TSHZ3: variants seen among roughly 807,000 people sequenced by gnomAD.
TSHZ3 encodes teashirt homolog 3.
A neutral mutation model predicts 64.5 loss-of-function variants in TSHZ3; 10 were observed. The observed-to-expected ratio is 0.16, with a 90% CI of 0.10 to 0.26. TSHZ3 has a LOEUF of 0.26. Among genes scored for constraint, TSHZ3 ranks in the 10% least tolerant of loss-of-function variants. TSHZ3 has a pLI of 1.00. For synonymous variants in TSHZ3, 608 were observed against 593.1 expected (o/e 1.03, Z -0.36); for missense variants, 1,242 against 1,421.7 (o/e 0.87, Z 2.03).
intron 4 of TSHZ3, among the ~76,000 whole-genome samples, chr19:31,226,973 C>CTTTTTTTTTTTTTTTTT (rs1255178594): frequency 2.9e-5 from 2 of 68,152 alleles, no homozygotes; most frequent in African/African-American, 1.8e-4. Context: ...TTCTTTCTTT[C>CTTTTTTTTTTTTTTTTT]TTTCTTTTTT....
intron 1 of TSHZ3, among the ~76,000 whole-genome samples, chr19:31,345,336 C>T (rs1032464097): frequency 2.0e-5 from 3 of 152,162 alleles, no homozygotes; most frequent in African/African-American, 7.2e-5. Flanking sequence ...CTTCTGAATG[C>T]TCCATGTGCT....
chr19:31,309,699 C>T (rs1274895167), intron 1 of TSHZ3, among the ~76,000 whole-genome samples: 5 of 152,172 alleles, frequency 3.3e-5, no homozygotes, highest in African/African-American at 1.2e-4. Context: ...TAATGTGGCG[C>T]AAAGAGGAAT....
intron 1 of TSHZ3, among the ~76,000 whole-genome samples, chr19:31,297,668 A>C (rs933497797): frequency 6.6e-6 from 1 of 151,958 alleles, no homozygotes; most frequent in Admixed American, 6.6e-5. Flanking sequence ...GGGTCTAGCT[A>C]TGTTGCCCAG....
At position 31,277,445 on chromosome 19, in the gene TSHZ3, T is replaced by C; in HGVS notation, c.2348A>G (p.His783Arg). The C allele has an allele frequency of 6.2e-7, 1 of 1,613,866 alleles. No individual in the cohort carries two copies. The stretch of plus-strand genomic sequence containing the variant: ...GTCTATGGGCTGGTCGTTGTTGACG[T>C]GGTAGAAATAGCGGTCGAGGTGGTC... ...KADHLDRYFY[H>R]VNNDQPIDLT... The change falls in exon 2 of 2, where the codon CAC (histidine) becomes CGC (arginine). Residue 783 changes from histidine (H) to arginine (R), a missense_variant. By Grantham distance (29) the His-to-Arg change is conservative (BLOSUM62 0). Around this residue, in one of 4 missense-constraint regions of TSHZ3, gnomAD observed 550 missense variants for 545.1 expected, o/e 1.01. Transcript: ENST00000240587. The surrounding 1 kb of genome is among the most constrained non-coding windows in gnomAD (Gnocchi z 4.5).
chr19:31,298,260 CCA>C (rs762421641), intron 1 of TSHZ3, among the ~76,000 whole-genome samples: 8 of 152,144 alleles, frequency 5.3e-5, no homozygotes, highest in Non-Finnish European at 8.8e-5. Context: ...CTCTGCATCC[CCA>C]TAGCCCTGCA....
chr19:31,183,368 C>T (rs1974754113), intron 5 of TSHZ3, among the ~76,000 whole-genome samples: 1 of 152,150 alleles, frequency 6.6e-6, no homozygotes, highest in Non-Finnish European at 1.5e-5. Flanking sequence ...CGGCTTAGGT[C>T]TTCTCATTTT....
In TSHZ3 at chr19:31,183,436, A is replaced by G. The variant is rs539661140; in HGVS notation, n.809+21520T>C. ...CTGAGGCTCGTCTTGCTCTGAGTGA[A>G]GACTACTCTGAGAATCAGAAAACGA... On this transcript the variant is annotated intron_variant and non_coding_transcript_variant, in intron 5 of 6. Transcript: ENST00000651361. Among the ~76,000 whole-genome samples the G allele has an allele frequency of 1.4e-4, 21 of 152,276 alleles. No homozygotes were observed. In the South Asian group the frequency reaches 4.4e-3, roughly 32 times the overall value.
At chr19:31,297,521 C>T (rs534867313) in intron 1 of TSHZ3, among the ~76,000 whole-genome samples, 15 of 152,266 alleles carry the variant, frequency 9.9e-5, no homozygotes, top group African/African-American at 3.1e-4. Flanking sequence ...CCATTGCCCA[C>T]GCAGGAGTAC....
chr19:31,178,582 G>C (rs1293932287), intron 5 of TSHZ3, among the ~76,000 whole-genome samples: 1 of 152,210 alleles, frequency 6.6e-6, no homozygotes, highest in African/African-American at 2.4e-5. Context: ...AGGAGGCTGA[G>C]GCAGGAGAAT....
In TSHZ3 at chr19:31,279,485, G is replaced by T; in HGVS notation, c.308C>A (p.Thr103Lys). ...CACAGTCGTGTCTTCCAGTGGGACC[G>T]TGACCTCCTTGGTCTCCTCTTCGTT... ...IKNEEETKEV[T>K]VPLEDTTVSD... The change falls in exon 2 of 2, where the codon ACG becomes AAG. Residue 103 changes from threonine (T) to lysine (K), a missense_variant. Physicochemically the swap from Thr to Lys is moderately conservative, Grantham distance 78 (BLOSUM62 -1). Transcript: ENST00000240587. The surrounding 1 kb of genome is among the most constrained non-coding windows in gnomAD (Gnocchi z 6.4). 2.5e-6 allele frequency: 4 copies of T among 1,614,008 alleles called. No homozygotes were observed. The highest frequency in any genetic ancestry group is 3.4e-6 in the Non-Finnish European group (4 of 1,180,030).
chr19:31,335,252 G>C (rs1293016934), intron 1 of TSHZ3, among the ~76,000 whole-genome samples: 1 of 152,154 alleles, frequency 6.6e-6, no homozygotes, highest in Non-Finnish European at 1.5e-5. Context: ...GAACTGCGTT[G>C]GCTGACATTA....
At chr19:31,225,836 C>T (rs931900137) in intron 4 of TSHZ3, among the ~76,000 whole-genome samples, 39 of 152,126 alleles carry the variant, frequency 2.6e-4, no homozygotes, top group African/African-American at 8.9e-4. Flanking sequence ...GGCTTAAAAG[C>T]GGTGTGTCAG....
chr19:31,254,367 C>G (rs570294102), intron 1 of TSHZ3, among the ~76,000 whole-genome samples: 2 of 152,146 alleles, frequency 1.3e-5, no homozygotes, highest in Non-Finnish European at 2.9e-5. Context: ...AGTGAGTCAC[C>G]ACAAAGCTAT....
chr19:31,178,164 A>G (rs542066492), intron 5 of TSHZ3, among the ~76,000 whole-genome samples: 1 of 152,148 alleles, frequency 6.6e-6, no homozygotes, highest in South Asian at 2.1e-4. Context: ...GATAGATATG[A>G]TCGTTCTTTT....
At chr19:31,203,861 T>C (rs1975123362) in intron 5 of TSHZ3, among the ~76,000 whole-genome samples, 2 of 151,926 alleles carry the variant, frequency 1.3e-5, no homozygotes, top group South Asian at 2.1e-4. Context: ...TTCCCTCCTG[T>C]ATTAGCCTGT....
chr19:31,265,640 C>G (rs1272737229), intron 1 of TSHZ3, among the ~76,000 whole-genome samples: 1 of 152,032 alleles, frequency 6.6e-6, no homozygotes, highest in Admixed American at 6.5e-5. Flanking sequence ...CCCTTTGCAT[C>G]CCGGACTGGA....
intron 5 of TSHZ3, among the ~76,000 whole-genome samples, chr19:31,183,229 TC>T (rs1974751235): frequency 7.5e-5 from 1 of 13,292 alleles, no homozygotes; most frequent in Non-Finnish European, 1.4e-4. Context: ...TCTCTCTCTT[TC>T]TCTCTCTCTC....
chr19:31,246,646 G>A (rs1383240624), intron 1 of TSHZ3, among the ~76,000 whole-genome samples: 1 of 152,114 alleles, frequency 6.6e-6, no homozygotes, highest in East Asian at 1.9e-4. Flanking sequence ...GAGGTCAGGG[G>A]AGAGAAGGAG....
intron 1 of TSHZ3, among the ~76,000 whole-genome samples, chr19:31,323,045 T>C (rs550478318): frequency 6.6e-5 from 10 of 152,346 alleles, no homozygotes; most frequent in African/African-American, 2.2e-4. Flanking sequence ...TGTGTGAATG[T>C]GTTGGGTTGG....
Sources: gnomAD v4.1 joint callset for allele counts (sites outside exome capture counted in the v4.1 genomes callset) on GRCh38, gnomAD v4.1.1 for gene constraint, gnomAD v4.1.1 regional missense constraint, Gnocchi (gnomAD v3.1) non-coding constraint, MANE v1.5 for transcripts, NCBI Gene and HGNC (gene_info 2026-07-23, HGNC 2026-07-21) for gene names.